The following DPYD variants were observed in gnomAD, a reference collection of about 807,000 sequenced individuals.
DPYD encodes the protein dihydropyrimidine dehydrogenase [NADP(+)].
Under a neutral mutation model 116.2 loss-of-function variants are expected in DPYD, and 109 were observed. The ratio of observed to expected loss-of-function variants is 0.94; its 90% CI spans 0.80 to 1.10. The LOEUF (loss-of-function observed/expected upper bound fraction) is 1.10. Ranked by LOEUF, DPYD falls within the 50% of genes least tolerant of loss-of-function variation. The probability of loss-of-function intolerance (pLI) is 0.00; values close to 1 mark genes in which losing one functional copy is unlikely to be tolerated. For missense variants in DPYD, 1,302 were observed against 1,254.5 expected (o/e 1.04, Z -0.57); for synonymous variants, 440 against 432.0 (o/e 1.02, Z -0.23).
intron 14 of DPYD, among the ~76,000 whole-genome samples, chr1:97,420,800 G>A (rs192288148): frequency 1.4e-4 from 22 of 152,222 alleles, no homozygotes; most frequent in African/African-American, 5.1e-4. Flanking sequence ...CTGCCCACAC[G>A]CTGAACTTCT....
chr1:97,552,797 T>C (rs1249006285), intron 11 of DPYD, among the ~76,000 whole-genome samples: 2 of 152,088 alleles, frequency 1.3e-5, no homozygotes, highest in Non-Finnish European at 2.9e-5. Context: ...AGTCTCCTTT[T>C]GAAAATTAAC....
chr1:97,278,266 CAT>C (rs1315983177), intron 18 of DPYD, among the ~76,000 whole-genome samples: 2 of 152,190 alleles, frequency 1.3e-5, no homozygotes, highest in African/African-American at 4.8e-5. Flanking sequence ...GGCTTCATCT[CAT>C]AAGAAAGTAC....
intron 19 of DPYD, among the ~76,000 whole-genome samples, chr1:97,209,072 GATAAAC>G (rs769900029): frequency 6.6e-6 from 1 of 152,040 alleles, no homozygotes; most frequent in Non-Finnish European, 1.5e-5. Context: ...ATCACACACA[GATAAAC>G]ATATAAGATC....
intron 20 of DPYD, among the ~76,000 whole-genome samples, chr1:97,181,394 T>A (rs975533608): frequency 2.6e-5 from 4 of 152,158 alleles, no homozygotes; most frequent in African/African-American, 4.8e-5. Context: ...GCAACAGCAG[T>A]AGACACCTCC....
At chr1:97,153,010 C>T (rs1050049306) in intron 20 of DPYD, among the ~76,000 whole-genome samples, 4 of 151,950 alleles carry the variant, frequency 2.6e-5, no homozygotes, top group Admixed American at 2.0e-4. Context: ...TTAAAAGGGG[C>T]TCTATGGAGA....
chr1:97,661,898 G>A (rs146439691), intron 8 of DPYD, among the ~76,000 whole-genome samples: 125 of 149,588 alleles, frequency 8.4e-4, no homozygotes, highest in African/African-American at 2.2e-3. Context: ...ACATACACAC[G>A]TGTATATACA....
At chr1:97,161,412 T>A (rs1655887398) in intron 20 of DPYD, among the ~76,000 whole-genome samples, 1 of 152,052 alleles carries the variant, frequency 6.6e-6, no homozygotes, top group South Asian at 2.1e-4. Context: ...TTAGGACCCT[T>A]TATAAAGAGT....
At position 97,130,026 on chromosome 1, in the gene DPYD, C is replaced by A. The variant is rs374154535; in HGVS notation, c.2623-31394G>T. On this transcript the variant is annotated intron_variant, in intron 20 of 22. Transcript: ENST00000370192. ...AGAAGGTAAAATAAAAAGGCACTCA[C>A]TGCCTTTAAATAGCAATACAGGAAA... Among the ~76,000 whole-genome samples, 31 of 152,330 alleles carry A rather than the reference C, an allele frequency of 2.0e-4. No homozygotes were observed. In the East Asian group the frequency reaches 3.9e-3, roughly 19 times the overall value.
At position 97,828,091 on chromosome 1, in the gene DPYD, T is replaced by C. The variant is rs202198546; in HGVS notation, c.233+23A>G. ...TTTTTCTTTACCACATCTGTGACTG[T>C]TGCTATGGTGACCCAGACTTACCTC... On this transcript the variant is annotated intron_variant, in intron 3 of 22. Transcript: ENST00000370192. 2.8e-5 allele frequency: 45 copies of C among 1,608,728 alleles called. No homozygotes were observed. In the East Asian group the frequency reaches 9.6e-4, roughly 34 times the overall value.
At chr1:97,086,062 T>G (rs1041158998) in intron 21 of DPYD, among the ~76,000 whole-genome samples, 1 of 152,196 alleles carries the variant, frequency 6.6e-6, no homozygotes, top group Non-Finnish European at 1.5e-5. Context: ...TGTTTTGTTT[T>G]GTTTTGTTTG....
At chr1:97,861,403 CTG>C (rs1671109861) in intron 2 of DPYD, among the ~76,000 whole-genome samples, 1 of 151,304 alleles carries the variant, frequency 6.6e-6, no homozygotes, top group African/African-American at 2.4e-5. Flanking sequence ...AAAAAAATAA[CTG>C]TAAAATAAAA....
chr1:97,543,571 C>G (rs1650610269), intron 12 of DPYD, among the ~76,000 whole-genome samples: 1 of 152,100 alleles, frequency 6.6e-6, no homozygotes. Context: ...CCAAAACAAA[C>G]TAATGTAAAA....
At chr1:97,593,772 G>A (rs975382430) in intron 9 of DPYD, among the ~76,000 whole-genome samples, 29 of 151,968 alleles carry the variant, frequency 1.9e-4, no homozygotes, top group African/African-American at 5.6e-4. Flanking sequence ...CTGTGTTAAC[G>A]GTTTGCAATA....
intron 18 of DPYD, among the ~76,000 whole-genome samples, chr1:97,262,548 T>G (rs1056714619): frequency 3.5e-4 from 53 of 152,136 alleles, no homozygotes; most frequent in African/African-American, 1.2e-3. Flanking sequence ...TTTTTAAAAT[T>G]CTAAAGTTTT....
In DPYD at chr1:97,565,209, C is replaced by T. The variant is rs80261388; in HGVS notation, c.1339+8551G>A. ...TCAGGTCACCAAATGTTAGAAAATG[C>T]ATTTGCCTACTAACATGAACCATCT... On this transcript the variant is annotated intron_variant, in intron 11 of 22. Coordinates refer to ENST00000370192, the MANE Select transcript of DPYD (RefSeq NM_000110.4). Among the ~76,000 whole-genome samples, 203 of 152,184 alleles carry T rather than the reference C, an allele frequency of 1.3e-3. 1 individual carries two copies. The highest frequency in any genetic ancestry group is 2.5e-3 in the Non-Finnish European group (167 of 68,010).
chr1:97,401,004 A>T (rs543834953), intron 14 of DPYD, among the ~76,000 whole-genome samples: 1 of 152,194 alleles, frequency 6.6e-6, no homozygotes, highest in African/African-American at 2.4e-5. Flanking sequence ...AATTTTGGCT[A>T]TTCTAATAGA....
intron 3 of DPYD, among the ~76,000 whole-genome samples, chr1:97,825,918 C>A (rs1669215541): frequency 6.6e-6 from 1 of 152,100 alleles, no homozygotes; most frequent in African/African-American, 2.4e-5. Context: ...CAAGCATATT[C>A]CGAACACATT....
chr1:97,331,220 T>G (rs920947993), intron 16 of DPYD, among the ~76,000 whole-genome samples: 1 of 152,120 alleles, frequency 6.6e-6, no homozygotes, highest in Non-Finnish European at 1.5e-5. Flanking sequence ...ATGCCTGTAA[T>G]TCCAGTGTTT....
At chr1:97,130,780 T>C (rs1331597228) in intron 20 of DPYD, among the ~76,000 whole-genome samples, 1 of 35,168 alleles carries the variant, frequency 2.8e-5, no homozygotes, top group Non-Finnish European at 5.7e-5. Context: ...TTCCTTCCTT[T>C]CCTTCCCTCC....
Sources: gnomAD v4.1 joint callset for allele counts (sites outside exome capture counted in the v4.1 genomes callset) on GRCh38, gnomAD v4.1.1 for gene constraint, MANE v1.5 for transcripts, NCBI Gene and HGNC (gene_info 2026-07-23, HGNC 2026-07-21) for gene names.